Variants in THSD7B observed in about 807,000 individuals in gnomAD.
THSD7B encodes thrombospondin type-1 domain-containing protein 7B.
A neutral mutation model predicts 213.6 loss-of-function variants in THSD7B; 138 were observed. That is an observed-to-expected ratio of 0.65 (90% CI 0.56 to 0.74). THSD7B has a LOEUF of 0.74. THSD7B is among the 30% of genes least tolerant of loss of function. THSD7B has a pLI of 0.00. For missense variants in THSD7B, 1,931 were observed against 1,991.5 expected, an observed-to-expected ratio of 0.97 and a Z score of 0.58; for synonymous variants, 742 against 687.0, an observed-to-expected ratio of 1.08 and a Z score of -1.25.
At chr2:136,823,372 G>C (rs976791409) in intron 1 of THSD7B, among the ~76,000 whole-genome samples, 2 of 152,106 alleles carry the variant, frequency 1.3e-5, no homozygotes, top group South Asian at 4.1e-4. Flanking sequence ...TGTGACAGAC[G>C]GTGCTTGCTT....
At chr2:137,643,711 A>G (rs1682978609) in intron 21 of THSD7B, among the ~76,000 whole-genome samples, 1 of 152,184 alleles carries the variant, frequency 6.6e-6, no homozygotes, top group African/African-American at 2.4e-5. Context: ...AATAGAGAAA[A>G]TAAGCTCAAA....
intron 12 of THSD7B, among the ~76,000 whole-genome samples, chr2:137,399,219 G>A (rs1368299614): frequency 2.7e-5 from 3 of 109,516 alleles, no homozygotes; most frequent in Admixed American, 9.6e-5. Flanking sequence ...TTAAACACAA[G>A]TCTTGCTCTG....
At chr2:136,813,080 A>C (rs1488910115) in intron 1 of THSD7B, among the ~76,000 whole-genome samples, 1 of 152,110 alleles carries the variant, frequency 6.6e-6, no homozygotes, top group Non-Finnish European at 1.5e-5. Context: ...AAAAGTAAGC[A>C]TGTCTTATTT....
intron 12 of THSD7B, among the ~76,000 whole-genome samples, chr2:137,381,597 G>C (rs1424479944): frequency 1.3e-5 from 2 of 152,216 alleles, no homozygotes; most frequent in Non-Finnish European, 2.9e-5. Flanking sequence ...AGAAGGCAAA[G>C]ATGCCCCACC....
At chr2:137,204,591 GA>G (rs1410440197) in intron 7 of THSD7B, among the ~76,000 whole-genome samples, 1 of 152,074 alleles carries the variant, frequency 6.6e-6, no homozygotes, top group African/African-American at 2.4e-5. Flanking sequence ...CATTTGGAAG[GA>G]CACCATTTCA....
intron 1 of THSD7B, among the ~76,000 whole-genome samples, chr2:136,799,528 A>G (rs946729384): frequency 6.6e-6 from 1 of 151,944 alleles, no homozygotes; most frequent in African/African-American, 2.4e-5. Flanking sequence ...GGTCAGCTAT[A>G]TTGCACATCA....
intron 2 of THSD7B, among the ~76,000 whole-genome samples, chr2:137,033,264 A>C (rs1177327929): frequency 6.6e-6 from 1 of 152,202 alleles, no homozygotes; most frequent in East Asian, 1.9e-4. Context: ...AGTCTTCTAG[A>C]AGCTGGCTTA....
At chr2:137,278,434 A>T (rs1682922436) in intron 12 of THSD7B, among the ~76,000 whole-genome samples, 1 of 152,170 alleles carries the variant, frequency 6.6e-6, no homozygotes, top group Non-Finnish European at 1.5e-5. Flanking sequence ...AGAAATCCAT[A>T]TTAAATTATC....
chr2:137,411,646 C>A lies in THSD7B; in HGVS notation c.2733C>A (p.Asp911Glu). ...AGAAGGAGAAATGCCAGGATTCTGA[C>A]CTTTACCCTCTAGTGGAGACAGAAC... ...SRKKEKCQDS[D>E]LYPLVETELC... is the part of the protein sequence containing the mutation. Residue 911 changes from aspartate to glutamate, a missense_variant, in exon 14 of 28, where the codon GAC becomes GAA. Asp to Glu is a conservative substitution (Grantham distance 45). Transcript: ENST00000409968. The A allele has an allele frequency of 6.2e-7, 1 of 1,613,876 alleles. No individual in the cohort carries two copies. Among genetic ancestry groups the A allele is most frequent in the Non-Finnish European group, 8.5e-7 (1 of 1,179,822 alleles).
At chr2:136,822,034 T>C (rs1682572081) in intron 1 of THSD7B, among the ~76,000 whole-genome samples, 1 of 152,120 alleles carries the variant, frequency 6.6e-6, no homozygotes, top group Admixed American at 6.5e-5. Context: ...ACCACCCTTA[T>C]TTCAAGCCCC....
At chr2:137,338,228 T>G (rs1278523101) in intron 12 of THSD7B, among the ~76,000 whole-genome samples, 1 of 152,054 alleles carries the variant, frequency 6.6e-6, no homozygotes, top group African/African-American at 2.4e-5. Flanking sequence ...GGCTTGCTCA[T>G]ATTACAGCAG....
chr2:137,342,673 A>G (rs1033607775), intron 12 of THSD7B, among the ~76,000 whole-genome samples: 1 of 150,164 alleles, frequency 6.7e-6, no homozygotes, highest in Non-Finnish European at 1.5e-5. Flanking sequence ...TATTGTGTGT[A>G]GATGCATTCC....
At chr2:136,902,721 G>A (rs1406426382) in intron 2 of THSD7B, among the ~76,000 whole-genome samples, 1 of 152,196 alleles carries the variant, frequency 6.6e-6, no homozygotes, top group Non-Finnish European at 1.5e-5. Flanking sequence ...TCAGTCACAG[G>A]AGAAAGGACA....
intron 18 of THSD7B, among the ~76,000 whole-genome samples, chr2:137,617,139 A>G (rs183642631): frequency 7.8e-4 from 119 of 152,294 alleles, no homozygotes; most frequent in African/African-American, 2.6e-3. Context: ...GTGGGTAAAG[A>G]TGACCTGGTG....
chr2:137,177,385 A>G (rs149339072), intron 7 of THSD7B, among the ~76,000 whole-genome samples: 1 of 152,310 alleles, frequency 6.6e-6, no homozygotes, highest in African/African-American at 2.4e-5. Flanking sequence ...AAAAAGAAAA[A>G]GACAAACAGA....
chr2:137,443,307 C>T (rs1403345837), intron 14 of THSD7B, among the ~76,000 whole-genome samples: 3 of 152,036 alleles, frequency 2.0e-5, no homozygotes, highest in Non-Finnish European at 2.9e-5. Flanking sequence ...GACACTGATA[C>T]ATTTAGTTGT....
intron 2 of THSD7B, among the ~76,000 whole-genome samples, chr2:136,980,963 T>A (rs1045828585): frequency 2.6e-5 from 4 of 151,946 alleles, no homozygotes; most frequent in Non-Finnish European, 5.9e-5. Flanking sequence ...TCAGTCCCAG[T>A]GAGATAACCT....
At chr2:137,130,754 C>A (rs13015514) in intron 5 of THSD7B, among the ~76,000 whole-genome samples, 81,681 of 127,340 alleles carry the variant, frequency 0.64, 28,089 homozygotes, top group Non-Finnish European at 0.76. Context: ...TATATGTGCC[C>A]CATTTTCTTA....
At position 137,038,682 on chromosome 2, in the gene THSD7B, C is replaced by T. The variant is rs373661454; in HGVS notation, c.140-17738C>T. On this transcript the variant is annotated intron_variant, in intron 2 of 27. Coordinates refer to ENST00000409968, the MANE Select transcript of THSD7B (RefSeq NM_001316349.2). ...TGGGGAGGAAAGAATCCTACTACTT[C>T]TAGAGATGGCCTTGCAGAAAAGGGT... 6.6e-5 allele frequency among the ~76,000 whole-genome samples: 10 copies of T among 152,296 alleles called. No individual in the cohort carries two copies. In the East Asian group the frequency reaches 1.9e-3, roughly 29 times the overall value.
Sources: allele counts gnomAD v4.1 joint callset (sites outside exome capture counted in the v4.1 genomes callset), GRCh38; gene constraint gnomAD v4.1.1; transcripts MANE v1.5; gene names NCBI Gene and HGNC (gene_info 2026-07-23, HGNC 2026-07-21).